The following NDUFA10 variants were observed in gnomAD, a reference collection of about 807,000 sequenced individuals.
NDUFA10 encodes the protein NADH:ubiquinone oxidoreductase subunit A10.
NDUFA10 carries 40 observed loss-of-function variants against 47.8 expected under a neutral mutation model. That is an observed-to-expected ratio of 0.84 (90% CI 0.65 to 1.09). The LOEUF is 1.09. NDUFA10 is among the 50% of genes least tolerant of loss of function. The pLI, the probability that NDUFA10 is intolerant of heterozygous loss-of-function variation, is 0.00. For missense variants in NDUFA10, 413 were observed against 451.1 expected, an observed-to-expected ratio of 0.92 and a Z score of 0.76; for synonymous variants, 183 against 172.2, an observed-to-expected ratio of 1.06 and a Z score of -0.49.
intron 9 of NDUFA10, among the ~76,000 whole-genome samples, chr2:239,975,529 T>C (rs116099898): frequency 6.6e-6 from 1 of 152,186 alleles, no homozygotes; most frequent in Non-Finnish European, 1.5e-5. Context: ...AGAAAGCCAC[T>C]GTGTCAAACT....
intron 5 of NDUFA10, chr2:240,012,046 G>A: frequency 3.0e-6 from 1 of 336,546 alleles, no homozygotes; most frequent in South Asian, 2.5e-5. Flanking sequence ...CCAAAAATTG[G>A]GGGCAGCGGC....
At chr2:239,962,211 A>G (rs1296407367) in intron 9 of NDUFA10, among the ~76,000 whole-genome samples, 2 of 29,020 alleles carry the variant, frequency 6.9e-5, no homozygotes, top group Non-Finnish European at 1.4e-4. Context: ...CAATTTGTGT[A>G]CACACACACA....
At chr2:239,978,046 T>A (rs1695599408) in intron 9 of NDUFA10, among the ~76,000 whole-genome samples, 1 of 152,088 alleles carries the variant, frequency 6.6e-6, no homozygotes, top group Non-Finnish European at 1.5e-5. Context: ...AACTGGGATC[T>A]CTGATGAGCT....
intron 4 of NDUFA10, among the ~76,000 whole-genome samples, chr2:239,933,509 T>TG (rs1458834255): frequency 4.1e-5 from 4 of 96,828 alleles, no homozygotes; most frequent in Admixed American, 1.1e-4. Context: ...CATGGTTTTT[T>TG]TTTTGTTTTT....
intron 9 of NDUFA10, among the ~76,000 whole-genome samples, chr2:239,972,735 T>C (rs996428782): frequency 5.9e-5 from 9 of 152,362 alleles, no homozygotes; most frequent in African/African-American, 2.2e-4. Context: ...TTAGCTGTCA[T>C]ATTTGTTGCA....
chr2:240,007,101 A>G (rs1013485586), intron 7 of NDUFA10, among the ~76,000 whole-genome samples: 2 of 152,212 alleles, frequency 1.3e-5, no homozygotes, highest in African/African-American at 4.8e-5. Context: ...TGACATCTGT[A>G]ATTTTCAGAT....
intron 5 of NDUFA10, chr2:240,012,526 G>A (rs1056645757): frequency 2.0e-5 from 3 of 152,048 alleles, no homozygotes; most frequent in African/African-American, 4.8e-5. Flanking sequence ...ATAGGCCTGC[G>A]GTTTCAACCT....
At chr2:239,950,783 G>A (rs943294481) in intron 4 of NDUFA10, among the ~76,000 whole-genome samples, 3 of 152,184 alleles carry the variant, frequency 2.0e-5, no homozygotes, top group Non-Finnish European at 4.4e-5. Context: ...ACCCCTGCTC[G>A]TGCCTGCAGC....
In NDUFA10 at chr2:240,021,246, G is replaced by A; in HGVS notation, c.411C>T (p.Ser137=). 1 of 1,614,230 alleles carries A rather than the reference G, an allele frequency of 6.2e-7. No homozygotes were observed. The highest frequency in any genetic ancestry group is 8.5e-7 in the Non-Finnish European group (1 of 1,180,034). Residue 137 remains serine, a synonymous_variant, in exon 3 of 10, where the codon AGC becomes AGT. Coordinates refer to ENST00000252711, the MANE Select transcript of NDUFA10 (RefSeq NM_004544.4). ...NSYRLQSWLY[S]SRLLQYSDAL... Reference sequence around the variant, plus strand: ...CATCTGAGTACTGCAGCAGGCGACTGCTGTACAACCAGGACTGCAGGCGGT... The same window carrying A: ...CATCTGAGTACTGCAGCAGGCGACTACTGTACAACCAGGACTGCAGGCGGT...
chr2:239,905,498 C>G (rs1048917116), intron 4 of NDUFA10, among the ~76,000 whole-genome samples: 1 of 152,224 alleles, frequency 6.6e-6, no homozygotes, highest in Non-Finnish European at 1.5e-5. Context: ...TGCGTCTACA[C>G]GCGTGTGAGG....
intron 1 of NDUFA10, among the ~76,000 whole-genome samples, chr2:240,024,047 GCA>G (rs148854699): frequency 0.04 from 6,048 of 152,336 alleles, 190 homozygotes; most frequent in African/African-American, 0.081. Context: ...GAGTCAAATG[GCA>G]CAGTCACTCT....
At chr2:239,916,438 A>C (rs1326045439) in intron 4 of NDUFA10, among the ~76,000 whole-genome samples, 1 of 152,134 alleles carries the variant, frequency 6.6e-6, no homozygotes. Context: ...ACACAGACAC[A>C]GCCAGACACA....
chr2:239,902,303 A>G (rs1693567146), intron 4 of NDUFA10, among the ~76,000 whole-genome samples: 1 of 151,424 alleles, frequency 6.6e-6, no homozygotes, highest in Non-Finnish European at 1.5e-5. Flanking sequence ...AGCAGCCACT[A>G]CCCTATGCAG....
At chr2:239,920,235 C>G (rs183905029) in intron 4 of NDUFA10, among the ~76,000 whole-genome samples, 170 of 152,306 alleles carry the variant, frequency 1.1e-3, no homozygotes, top group African/African-American at 3.9e-3. Flanking sequence ...AGGGCCCTCC[C>G]CAGGAACAGA....
At chr2:239,986,565 G>C (rs1696011515) in intron 9 of NDUFA10, among the ~76,000 whole-genome samples, 1 of 152,148 alleles carries the variant, frequency 6.6e-6, no homozygotes, top group African/African-American at 2.4e-5. Flanking sequence ...AGATGTATCT[G>C]AATAAACAGG....
At chr2:239,988,830 C>T (rs1031668832) in intron 9 of NDUFA10, among the ~76,000 whole-genome samples, 39 of 152,028 alleles carry the variant, frequency 2.6e-4, no homozygotes, top group African/African-American at 8.9e-4. Context: ...CACTCACACA[C>T]GTGTACAAGG....
intron 4 of NDUFA10, among the ~76,000 whole-genome samples, chr2:239,944,852 TC>T (rs1487289675): frequency 1.3e-5 from 2 of 151,946 alleles, no homozygotes; most frequent in African/African-American, 4.8e-5. Flanking sequence ...AGGAAACTGG[TC>T]CCCAAAGCTC....
At chr2:239,964,062 CTA>C (rs1694962435) in intron 9 of NDUFA10, among the ~76,000 whole-genome samples, 1 of 152,202 alleles carries the variant, frequency 6.6e-6, no homozygotes, top group Non-Finnish European at 1.5e-5. Context: ...GCACGTATGT[CTA>C]TGCCTGCACG....
intron 4 of NDUFA10, among the ~76,000 whole-genome samples, chr2:239,951,983 C>T (rs933508232): frequency 1.3e-5 from 2 of 152,238 alleles, no homozygotes; most frequent in African/African-American, 2.4e-5. Flanking sequence ...CTCTTTCCCT[C>T]GGTAGGTGCT....
Sources: allele counts gnomAD v4.1 joint callset (sites outside exome capture counted in the v4.1 genomes callset), GRCh38; gene constraint gnomAD v4.1.1; transcripts MANE v1.5; gene names NCBI Gene and HGNC (gene_info 2026-07-23, HGNC 2026-07-21).